Variants in PAPOLA observed in about 807,000 individuals in gnomAD.
The protein encoded by PAPOLA is poly(A) polymerase alpha.
PAPOLA carries 15 observed loss-of-function variants against 100.6 expected under a neutral mutation model. That is an observed-to-expected ratio of 0.15 (90% CI 0.10 to 0.23). The LOEUF is 0.23. Among genes scored for constraint, PAPOLA ranks in the 10% least tolerant of loss-of-function variants. The pLI, the probability that PAPOLA is intolerant of heterozygous loss-of-function variation, is 1.00. For synonymous variants in PAPOLA, 293 were observed against 300.0 expected (o/e 0.98, Z 0.24); for missense variants, 533 against 884.2 (o/e 0.60, Z 5.04).
Position 96,552,330 on chromosome 14 carries a change from C to T in PAPOLA, c.1522-150C>T, listed in dbSNP as rs952996365. 4 of 671,484 alleles carry T rather than the reference C, an allele frequency of 6.0e-6. No individual in the cohort carries two copies. The Admixed American group carries it at 8.7e-5, about 15-fold the overall frequency. 41.6% of individuals were successfully genotyped at this position (671,484 alleles called of 1,614,324 possible). On this transcript the variant is annotated intron_variant, in intron 16 of 21. Transcript: ENST00000216277. Reference sequence around the variant, plus strand: ...AAGTACTTGACTCCCAAATCGTTGCCTTTTAGAGTCAGCATGGCACATCTA... The same window carrying T: ...AAGTACTTGACTCCCAAATCGTTGCTTTTTAGAGTCAGCATGGCACATCTA...
intron 3 of PAPOLA, among the ~76,000 whole-genome samples, chr14:96,521,379 T>C (rs1897948317): frequency 6.6e-6 from 1 of 152,186 alleles, no homozygotes; most frequent in South Asian, 2.1e-4. Context: ...TCTAAAAAGG[T>C]GCTTTAAACA....
chr14:96,543,580 A>G (rs1031554298), intron 14 of PAPOLA, among the ~76,000 whole-genome samples: 2 of 149,390 alleles, frequency 1.3e-5, no homozygotes, highest in Admixed American at 1.3e-4. Context: ...TTTTGTAATT[A>G]TATAAGAGTT....
At chr14:96,523,528 C>G (rs1898194155) in intron 3 of PAPOLA, among the ~76,000 whole-genome samples, 1 of 152,170 alleles carries the variant, frequency 6.6e-6, no homozygotes, top group African/African-American at 2.4e-5. Context: ...TCTCCTTCAC[C>G]TCCTTTGTAG....
At chr14:96,504,815 ACT>A (rs1896600304) in intron 1 of PAPOLA, 1 of 152,124 alleles carries the variant, frequency 6.6e-6, no homozygotes, top group Non-Finnish European at 1.5e-5. Context: ...CTGCTGTCAC[ACT>A]GTCATAAATG....
intron 1 of PAPOLA, among the ~76,000 whole-genome samples, chr14:96,511,989 C>A (rs1365957890): frequency 6.6e-6 from 1 of 152,080 alleles, no homozygotes; most frequent in Non-Finnish European, 1.5e-5. Context: ...TAGCTAATAA[C>A]CAAAAGCTAA....
At chr14:96,554,710 G>A (rs184647847) in intron 17 of PAPOLA, among the ~76,000 whole-genome samples, 6 of 152,260 alleles carry the variant, frequency 3.9e-5, no homozygotes, top group Middle Eastern at 3.4e-3. Flanking sequence ...TAATAAAACC[G>A]TGAATTTATT....
Position 96,564,410 on chromosome 14 carries a change from T to C in PAPOLA, c.2143-545T>C, listed in dbSNP as rs1595565738. Among the ~76,000 whole-genome samples the C allele has an allele frequency of 3.3e-5, 5 of 152,242 alleles. No homozygotes were observed. The East Asian group carries it at 5.8e-4, about 18-fold the overall frequency. ...ATCCATCTCTGTATTTTTTTAGTGT[T>C]AAAGAACGCTTGTGATTTAATCTAA... On this transcript the variant is annotated intron_variant, in intron 21 of 21. Coordinates refer to ENST00000216277, the MANE Select transcript of PAPOLA (RefSeq NM_032632.5).
intron 4 of PAPOLA, 85 bp downstream of exon 4, chr14:96,525,476 T>G: frequency 1.6e-6 from 1 of 615,312 alleles, no homozygotes; most frequent in Non-Finnish European, 2.9e-6. Flanking sequence ...TTGTGTATCA[T>G]ATAGCTTAGG....
chr14:96,530,797 C>G (rs933564238), intron 6 of PAPOLA, among the ~76,000 whole-genome samples: 1 of 152,112 alleles, frequency 6.6e-6, no homozygotes, highest in Non-Finnish European at 1.5e-5. Flanking sequence ...AGGATCCTGG[C>G]TTTAAGGAAA....
intron 1 of PAPOLA, among the ~76,000 whole-genome samples, chr14:96,511,871 T>A (rs186986101): frequency 6.6e-6 from 1 of 152,228 alleles, no homozygotes; most frequent in South Asian, 2.1e-4. Flanking sequence ...AAGCAATATT[T>A]GCTTTGGATT....
At position 96,520,181 on chromosome 14, in the gene PAPOLA, A is replaced by G. The variant is rs770712299; in HGVS notation, c.135A>G (p.Thr45=). The change falls in exon 2 of 22, where the codon ACA becomes ACG. Residue 45 remains threonine (T), a synonymous_variant. Transcript: ENST00000216277. ...DCVLTQKLIE[T]LKPFGVFEEE... ...TACTTACACAGAAACTAATTGAGAC[A>G]TTGAAACCCTTTGGGGTTTTTGAAG... 7 of 1,614,018 alleles carry G rather than the reference A, an allele frequency of 4.3e-6. No individual in the cohort carries two copies. Among genetic ancestry groups the G allele is most frequent in the Non-Finnish European group, 5.9e-6 (7 of 1,179,904 alleles).
intron 19 of PAPOLA, among the ~76,000 whole-genome samples, chr14:96,556,781 T>C (rs1901376327): frequency 6.6e-6 from 1 of 152,222 alleles, no homozygotes; most frequent in Non-Finnish European, 1.5e-5. Context: ...TTTTTGCTTC[T>C]GTGATCCAAA....
At chr14:96,549,636 T>C (rs910317471) in intron 16 of PAPOLA, among the ~76,000 whole-genome samples, 5 of 152,204 alleles carry the variant, frequency 3.3e-5, no homozygotes, top group East Asian at 1.9e-4. Context: ...AATGTACTAT[T>C]TATACACAGA....
At chr14:96,533,013 G>A in intron 9 of PAPOLA, 1 of 987,446 alleles carries the variant, frequency 1.0e-6, no homozygotes, top group Non-Finnish European at 1.2e-6. Flanking sequence ...CTATCTATAG[G>A]CCATTAGTTT....
At chr14:96,523,160 C>T (rs1049648314) in intron 3 of PAPOLA, among the ~76,000 whole-genome samples, 55 of 151,752 alleles carry the variant, frequency 3.6e-4, no homozygotes, top group African/African-American at 1.3e-3. Context: ...TGTTTGACAT[C>T]TAATACTCTT....
chr14:96,526,134 T>TA (rs2140270423), intron 4 of PAPOLA: 1 of 152,340 alleles, frequency 6.6e-6, no homozygotes, highest in South Asian at 2.1e-4. Context: ...TGCAAATAAA[T>TA]ACACAATAAA....
At chr14:96,504,246 C>G (rs1172181791) in intron 1 of PAPOLA, 1 of 152,140 alleles carries the variant, frequency 6.6e-6, no homozygotes, top group Non-Finnish European at 1.5e-5. Context: ...CCTTAAAAGG[C>G]TTCAATGAAG....
At chr14:96,538,726 A>G (rs1461677223) in intron 12 of PAPOLA, among the ~76,000 whole-genome samples, 1 of 151,994 alleles carries the variant, frequency 6.6e-6, no homozygotes, top group Non-Finnish European at 1.5e-5. Context: ...TTTAAGATAA[A>G]GTGATGACTA....
chr14:96,550,105 T>A (rs1209598645), intron 16 of PAPOLA, among the ~76,000 whole-genome samples: 1 of 152,238 alleles, frequency 6.6e-6, no homozygotes, highest in African/African-American at 2.4e-5. Flanking sequence ...CTTATGATTA[T>A]GCCATTGCAC....
Sources: allele counts gnomAD v4.1 joint callset (sites outside exome capture counted in the v4.1 genomes callset), GRCh38; gene constraint gnomAD v4.1.1; transcripts MANE v1.5; gene names NCBI Gene and HGNC (gene_info 2026-07-23, HGNC 2026-07-21).